Variants in FRMD4A observed in about 807,000 individuals in gnomAD.
The protein encoded by FRMD4A is FERM domain-containing protein 4A.
FRMD4A carries 29 observed loss-of-function variants against 129.1 expected under a neutral mutation model. The ratio of observed to expected loss-of-function variants is 0.22; its 90% CI spans 0.17 to 0.31. FRMD4A has a LOEUF of 0.31. Ranked by LOEUF, FRMD4A falls within the 10% of genes least tolerant of loss-of-function variation. The pLI is 1.00. For synonymous variants in FRMD4A, 634 were observed against 571.6 expected (o/e 1.11, Z -1.56); for missense variants, 1,272 against 1,375.8 (o/e 0.92, Z 1.19).
chr10:14,281,187 T>A (rs537143043), intron 2 of FRMD4A, among the ~76,000 whole-genome samples: 1 of 151,936 alleles, frequency 6.6e-6, no homozygotes, highest in South Asian at 2.1e-4. Flanking sequence ...AAGCAGGGTT[T>A]CTCCGTGTTG....
chr10:13,993,689 C>T (rs1462514587), intron 2 of FRMD4A, among the ~76,000 whole-genome samples: 3 of 152,122 alleles, frequency 2.0e-5, no homozygotes, highest in Non-Finnish European at 4.4e-5. Flanking sequence ...ACCAGAGGTT[C>T]AGTTGCTTCT....
chr10:14,124,701 A>C (rs1838733184), intron 2 of FRMD4A, among the ~76,000 whole-genome samples: 1 of 151,602 alleles, frequency 6.6e-6, no homozygotes, highest in Admixed American at 6.6e-5. Context: ...AACAACAACA[A>C]AACAAAACAA....
At chr10:14,195,825 G>T (rs983802490) in intron 2 of FRMD4A, among the ~76,000 whole-genome samples, 1 of 152,190 alleles carries the variant, frequency 6.6e-6, no homozygotes, top group Non-Finnish European at 1.5e-5. Context: ...CTCAGGAAAG[G>T]TTATAGAGAA....
chr10:14,263,612 T>C (rs1255836846), intron 2 of FRMD4A, among the ~76,000 whole-genome samples: 3 of 152,150 alleles, frequency 2.0e-5, no homozygotes, highest in African/African-American at 7.2e-5. Context: ...CCCAGAAAGA[T>C]GCTGCTGGGA....
intron 2 of FRMD4A, among the ~76,000 whole-genome samples, chr10:13,995,891 C>T (rs2095620918): frequency 6.6e-6 from 1 of 151,686 alleles, no homozygotes; most frequent in Non-Finnish European, 1.5e-5. Flanking sequence ...AGCTGGGGCT[C>T]AGCAGGGGAG....
At position 13,718,409 on chromosome 10, in the gene FRMD4A, G is replaced by A. The variant is rs879697544; in HGVS notation, c.760-11296C>T. Among the ~76,000 whole-genome samples, 11 of 152,264 alleles carry A rather than the reference G, an allele frequency of 7.2e-5. 1 individual carries two copies. The highest frequency in any genetic ancestry group is 7.2e-4 in the Admixed American group (11 of 15,288). On this transcript the variant is annotated intron_variant, in intron 12 of 24. Coordinates refer to ENST00000357447, the MANE Select transcript of FRMD4A (RefSeq NM_018027.5). Reference sequence around the variant, plus strand: ...CGCTCCAGCCTGGACTTTCCACTTGGAGGGCCTGACTTCTCCGCTTGACCC... The same window carrying A: ...CGCTCCAGCCTGGACTTTCCACTTGAAGGGCCTGACTTCTCCGCTTGACCC...
At chr10:13,865,031 A>G (rs2094347055) in intron 2 of FRMD4A, among the ~76,000 whole-genome samples, 1 of 151,810 alleles carries the variant, frequency 6.6e-6, no homozygotes, top group Non-Finnish European at 1.5e-5. Context: ...CTGGTGTGCA[A>G]TGGTGTGATC....
intron 15 of FRMD4A, among the ~76,000 whole-genome samples, chr10:13,690,138 G>A (rs1030195527): frequency 5.9e-5 from 9 of 152,096 alleles, no homozygotes; most frequent in Non-Finnish European, 1.0e-4. Flanking sequence ...AATAAAATCC[G>A]GCAAGTGTAA....
chr10:13,890,279 AG>A (rs1265778164), intron 2 of FRMD4A, among the ~76,000 whole-genome samples: 2 of 152,270 alleles, frequency 1.3e-5, no homozygotes, highest in Non-Finnish European at 2.9e-5. Context: ...CCAATGCAAA[AG>A]CACTTTGCTG....
At chr10:14,142,734 C>T (rs956798893) in intron 2 of FRMD4A, among the ~76,000 whole-genome samples, 3 of 152,116 alleles carry the variant, frequency 2.0e-5, no homozygotes, top group Non-Finnish European at 4.4e-5. Context: ...AGAATGAAAA[C>T]GCAAGCTTTT....
chr10:13,939,176 C>G (rs1021159500), intron 2 of FRMD4A, among the ~76,000 whole-genome samples: 4 of 152,190 alleles, frequency 2.6e-5, no homozygotes, highest in Non-Finnish European at 5.9e-5. Context: ...CCGTATGGTT[C>G]ACATTATTCT....
chr10:13,646,519 A>G lies in FRMD4A; in HGVS notation c.*519T>C, dbSNP rs2081126904. 6.6e-6 allele frequency: 1 copy of G among 152,244 alleles called. No individual in the cohort carries two copies. The highest frequency in any genetic ancestry group is 6.5e-5 in the Admixed American group (1 of 15,278). 9.4% of individuals were successfully genotyped at this position (152,244 alleles called of 1,614,324 possible). The stretch of plus-strand genomic sequence containing the variant: ...CATGAAGTGCTTGGTTGGCCTACGT[A>G]TGGGTGGCAGGCTGGACACAGCTGA... On this transcript the variant is annotated 3_prime_UTR_variant, in exon 25 of 25. Coordinates refer to ENST00000357447, the MANE Select transcript of FRMD4A (RefSeq NM_018027.5).
At chr10:14,284,410 A>T (rs1364539501) in intron 2 of FRMD4A, among the ~76,000 whole-genome samples, 1 of 152,166 alleles carries the variant, frequency 6.6e-6, no homozygotes, top group African/African-American at 2.4e-5. Context: ...GCACTTTGGG[A>T]GGCCGAGGCG....
chr10:14,327,278 C>A (rs1843315556), intron 2 of FRMD4A, among the ~76,000 whole-genome samples: 1 of 152,230 alleles, frequency 6.6e-6, no homozygotes. Context: ...GCATAAAAGC[C>A]AGAGTGGGAA....
chr10:14,116,605 C>T (rs1838212253), intron 2 of FRMD4A, among the ~76,000 whole-genome samples: 1 of 152,138 alleles, frequency 6.6e-6, no homozygotes, highest in African/African-American at 2.4e-5. Context: ...TAAAAGGAGA[C>T]TCAGTGGGTT....
intron 20 of FRMD4A, 140 bp downstream of exon 20, chr10:13,660,176 G>C: frequency 1.6e-6 from 1 of 619,148 alleles, no homozygotes; most frequent in Non-Finnish European, 2.9e-6. Context: ...TGTGAGCACG[G>C]CCCCGTGAAA....
chr10:14,145,207 A>G (rs1465798926), intron 2 of FRMD4A, among the ~76,000 whole-genome samples: 1 of 152,190 alleles, frequency 6.6e-6, no homozygotes, highest in Non-Finnish European at 1.5e-5. Context: ...AGTAAGCAAG[A>G]AAGCCCCAGG....
chr10:13,896,789 T>C (rs2094763525), intron 2 of FRMD4A, among the ~76,000 whole-genome samples: 1 of 152,212 alleles, frequency 6.6e-6, no homozygotes, highest in African/African-American at 2.4e-5. Context: ...ATAGATTTCC[T>C]GTTTCACCAG....
At chr10:13,773,234 T>C (rs1444731732) in intron 6 of FRMD4A, among the ~76,000 whole-genome samples, 3 of 152,236 alleles carry the variant, frequency 2.0e-5, no homozygotes, top group Non-Finnish European at 4.4e-5. Context: ...GACTCTATTA[T>C]GTAATAAGAA....
Sources: gnomAD v4.1 joint callset for allele counts (sites outside exome capture counted in the v4.1 genomes callset) on GRCh38, gnomAD v4.1.1 for gene constraint, MANE v1.5 for transcripts, NCBI Gene and HGNC (gene_info 2026-07-23, HGNC 2026-07-21) for gene names.